Variants in JAKMIP2 observed in about 807,000 individuals in gnomAD.
The protein encoded by JAKMIP2 is janus kinase and microtubule-interacting protein 2.
In JAKMIP2, 25 loss-of-function variants were observed where a neutral mutation model predicts 115.0. The observed-to-expected ratio is 0.22, with a 90% CI of 0.16 to 0.30. JAKMIP2 has a LOEUF of 0.30. JAKMIP2 is among the 10% of genes least tolerant of loss of function. The pLI is 1.00. For synonymous variants in JAKMIP2, 334 were observed against 343.6 expected, an observed-to-expected ratio of 0.97 and a Z score of 0.31; for missense variants, 642 against 957.6, an observed-to-expected ratio of 0.67 and a Z score of 4.35.
intron 1 of JAKMIP2, among the ~76,000 whole-genome samples, chr5:147,675,710 T>G (rs1224969599): frequency 6.6e-6 from 1 of 152,032 alleles, no homozygotes; most frequent in African/African-American, 2.4e-5. Context: ...GTCTATTTAG[T>G]GTTTTGTCTC....
intron 1 of JAKMIP2, among the ~76,000 whole-genome samples, chr5:147,676,214 T>C (rs1365564870): frequency 6.6e-6 from 1 of 152,144 alleles, no homozygotes; most frequent in Non-Finnish European, 1.5e-5. Flanking sequence ...CCGGCGCCTG[T>C]AGTCCCAGCT....
chr5:147,753,954 T>C (rs2127029186), intron 1 of JAKMIP2, among the ~76,000 whole-genome samples: 1 of 152,262 alleles, frequency 6.6e-6, no homozygotes, highest in African/African-American at 2.4e-5. Context: ...GAGTGGCTAA[T>C]GAATTCCTGT....
At chr5:147,753,605 T>C (rs1754638653) in intron 1 of JAKMIP2, among the ~76,000 whole-genome samples, 1 of 152,212 alleles carries the variant, frequency 6.6e-6, no homozygotes, top group Admixed American at 6.5e-5. Context: ...AAATATGAAG[T>C]TTCTCCATTA....
rs1406383937 is a variant in JAKMIP2 at position 147,720,677 on chromosome 5, C to T, written c.-148-48723G>A. Among the ~76,000 whole-genome samples, 1,513 of 151,610 alleles carry T rather than the reference C, an allele frequency of 1.0e-2. 26 individuals carry two copies. Among genetic ancestry groups the T allele is most frequent in the African/African-American group, 0.035 (1,433 of 41,328 alleles). On this transcript the variant is annotated intron_variant, in intron 1 of 21. Transcript: ENST00000616793. ...GCTTCTGCATTCTTCACGTAGTTCT[C>T]GAGCCTTGGTTTTCAGCTCCATCAG...
chr5:147,680,498 C>T lies in JAKMIP2; in HGVS notation c.-148-8544G>A, dbSNP rs188080435. On this transcript the variant is annotated intron_variant, in intron 1 of 21. Coordinates refer to ENST00000616793, the MANE Select transcript of JAKMIP2 (RefSeq NM_001270941.2). Reference sequence around the variant, plus strand: ...AAGCAACTGTTATATAAAATAGTTGCGTTCACATGTATGAAGCTAAATGCT... The same window carrying T: ...AAGCAACTGTTATATAAAATAGTTGTGTTCACATGTATGAAGCTAAATGCT... Among the ~76,000 whole-genome samples the T allele has an allele frequency of 1.0e-2, 1,484 of 148,912 alleles. 30 individuals are homozygous for T. Among genetic ancestry groups the T allele is most frequent in the African/African-American group, 0.036 (1,432 of 40,124 alleles).
chr5:147,669,933 T>A (rs1402125379), intron 2 of JAKMIP2, among the ~76,000 whole-genome samples: 1 of 152,194 alleles, frequency 6.6e-6, no homozygotes. Flanking sequence ...GTTATACCAT[T>A]GCACAGTGAT....
intron 1 of JAKMIP2, among the ~76,000 whole-genome samples, chr5:147,678,508 C>G (rs1235780178): frequency 6.6e-6 from 1 of 152,180 alleles, no homozygotes; most frequent in Non-Finnish European, 1.5e-5. Context: ...ATACCACATT[C>G]TCTTTATCCA....
rs1012151579 is a variant in JAKMIP2 at position 147,589,091 on chromosome 5, C to T, written c.*2616G>A. ...AACACTGTAGAGGCACCCTCTTTCA[C>T]ATTTCTTGCCTAATGAGCATATGGC... On this transcript the variant is annotated 3_prime_UTR_variant, in exon 22 of 22. Transcript: ENST00000616793. 48 of 152,148 alleles carry T rather than the reference C, an allele frequency of 3.2e-4. No individual in the cohort carries two copies. Among genetic ancestry groups the T allele is most frequent in the African/African-American group, 1.2e-3 (48 of 41,428 alleles). 9.4% of individuals were successfully genotyped at this position (152,148 alleles called of 1,614,324 possible).
intron 1 of JAKMIP2, among the ~76,000 whole-genome samples, chr5:147,705,152 A>ATT: frequency 6.6e-6 from 1 of 152,322 alleles, no homozygotes; most frequent in African/African-American, 2.4e-5. Flanking sequence ...TAAACCCATT[A>ATT]TAAGTGTGTG....
rs146786301 is a variant in JAKMIP2, at chr5:147,746,932, A to G, written c.-149+35524T>C. Among the ~76,000 whole-genome samples, 1,354 of 152,310 alleles carry G rather than the reference A, an allele frequency of 8.9e-3. 15 individuals carry two copies. The highest frequency in any genetic ancestry group is 0.013 in the Non-Finnish European group (870 of 68,030). On this transcript the variant is annotated intron_variant, in intron 1 of 21. Coordinates refer to ENST00000616793, the MANE Select transcript of JAKMIP2 (RefSeq NM_001270941.2). ...AAAAAACGAAGTCACCAAATAAGCC[A>G]GTGCCCATAAGTTAGTGCTTTAAGG...
intron 1 of JAKMIP2, among the ~76,000 whole-genome samples, chr5:147,719,985 A>C (rs1435775687): frequency 6.6e-6 from 1 of 151,946 alleles, no homozygotes; most frequent in Non-Finnish European, 1.5e-5. Context: ...AGCGGCTGGT[A>C]CCGGTTGTTC....
chr5:147,616,588 C>T (rs1756593842), intron 19 of JAKMIP2, among the ~76,000 whole-genome samples: 1 of 152,146 alleles, frequency 6.6e-6, no homozygotes, highest in African/African-American at 2.4e-5. Flanking sequence ...CATGCTATTG[C>T]AGCACAAGAA....
In JAKMIP2 at chr5:147,777,307, G is replaced by A. The variant is rs1051685444; in HGVS notation, c.-149+5149C>T. Reference sequence around the variant, plus strand: ...AAAAGTAAAGTGTGAACACTCTCAAGTGGGGGAAAAACAGCTTGAATCGTC... The same window carrying A: ...AAAAGTAAAGTGTGAACACTCTCAAATGGGGGAAAAACAGCTTGAATCGTC... On this transcript the variant is annotated intron_variant, in intron 1 of 21. Coordinates refer to ENST00000616793, the MANE Select transcript of JAKMIP2 (RefSeq NM_001270941.2). Among the ~76,000 whole-genome samples the A allele has an allele frequency of 8.5e-5, 13 of 152,274 alleles. No homozygotes were observed. In the East Asian group the frequency reaches 2.3e-3, roughly 27 times the overall value.
chr5:147,600,793 G>C (rs1315476625), intron 21 of JAKMIP2, among the ~76,000 whole-genome samples: 3 of 151,910 alleles, frequency 2.0e-5, no homozygotes, highest in Non-Finnish European at 4.4e-5. Flanking sequence ...TTAAGCACTG[G>C]GAATCACTAA....
chr5:147,757,664 A>G (rs918328299), intron 1 of JAKMIP2, among the ~76,000 whole-genome samples: 1 of 152,104 alleles, frequency 6.6e-6, no homozygotes, highest in East Asian at 1.9e-4. Flanking sequence ...AGCCGCTGTG[A>G]TAATTATTAA....
At chr5:147,618,673 A>G (rs1756704984) in intron 18 of JAKMIP2, among the ~76,000 whole-genome samples, 2 of 152,114 alleles carry the variant, frequency 1.3e-5, no homozygotes, top group South Asian at 4.2e-4. Flanking sequence ...GAGAGGCGGA[A>G]GTTGCAGTGA....
chr5:147,625,918 A>C (rs1347953305), intron 16 of JAKMIP2, among the ~76,000 whole-genome samples: 1 of 152,202 alleles, frequency 6.6e-6, no homozygotes, highest in Non-Finnish European at 1.5e-5. Flanking sequence ...ACAGTACATA[A>C]GTACATAATG....
intron 18 of JAKMIP2, among the ~76,000 whole-genome samples, chr5:147,618,482 A>C (rs1756693031): frequency 6.6e-6 from 1 of 152,082 alleles, no homozygotes; most frequent in Admixed American, 6.5e-5. Flanking sequence ...CACACCTGTA[A>C]TCCCAGCACT....
chr5:147,760,152 C>A lies in JAKMIP2; in HGVS notation c.-149+22304G>T, dbSNP rs1253961113. Among the ~76,000 whole-genome samples the A allele has an allele frequency of 2.6e-5, 4 of 152,008 alleles. No individual in the cohort carries two copies. The South Asian group carries it at 8.3e-4, about 32-fold the overall frequency. On this transcript the variant is annotated intron_variant, in intron 1 of 21. Coordinates refer to ENST00000616793, the MANE Select transcript of JAKMIP2 (RefSeq NM_001270941.2). The stretch of plus-strand genomic sequence containing the variant: ...GGAGCATGCATATGAGTAAAGAAGT[C>A]TACTTTGCCCCTGTGAAGATCGAAA...
Sources: allele counts gnomAD v4.1 joint callset (sites outside exome capture counted in the v4.1 genomes callset), GRCh38; gene constraint gnomAD v4.1.1; transcripts MANE v1.5; gene names NCBI Gene and HGNC (gene_info 2026-07-23, HGNC 2026-07-21).